ZFAND3: variants seen among roughly 807,000 people sequenced by gnomAD.
The protein encoded by ZFAND3 is zinc finger AN1-type containing 3, also known as AN1-type zinc finger protein 3.
ZFAND3 carries 10 observed loss-of-function variants against 29.6 expected under a neutral mutation model. The observed-to-expected ratio is 0.34, with a 90% CI of 0.21 to 0.57. ZFAND3 has a LOEUF of 0.57. Ranked by LOEUF, ZFAND3 falls within the 20% of genes least tolerant of loss-of-function variation. The pLI is 0.86. For missense variants in ZFAND3, 230 were observed against 304.5 expected (o/e 0.76, Z 1.82); for synonymous variants, 128 against 112.6 (o/e 1.14, Z -0.87).
intron 3 of ZFAND3, among the ~76,000 whole-genome samples, chr6:38,064,980 T>G (rs1028031465): frequency 6.6e-6 from 1 of 152,082 alleles, no homozygotes; most frequent in Non-Finnish European, 1.5e-5. Flanking sequence ...GAGATGATAG[T>G]TTAAGCCATA....
chr6:38,128,324 T>A (rs1765676115), intron 5 of ZFAND3, among the ~76,000 whole-genome samples: 1 of 152,156 alleles, frequency 6.6e-6, no homozygotes, highest in South Asian at 2.1e-4. Context: ...TTCCTGTGAT[T>A]CCCCTCTTTT....
intron 2 of ZFAND3, among the ~76,000 whole-genome samples, chr6:38,054,473 AAG>A (rs1764095814): frequency 1.3e-5 from 2 of 151,948 alleles, no homozygotes; most frequent in South Asian, 2.1e-4. Context: ...GAGATCAGTG[AAG>A]AGAGTCTGAT....
At chr6:37,904,537 T>C (rs1765374872) in intron 1 of ZFAND3, among the ~76,000 whole-genome samples, 1 of 152,182 alleles carries the variant, frequency 6.6e-6, no homozygotes, top group African/African-American at 2.4e-5. Context: ...TTCCAGTTGC[T>C]TTGAAATAGT....
At chr6:37,960,468 ATGT>A (rs766295959) in intron 2 of ZFAND3, among the ~76,000 whole-genome samples, 1 of 152,176 alleles carries the variant, frequency 6.6e-6, no homozygotes, top group Non-Finnish European at 1.5e-5. Flanking sequence ...ACCATCAGTG[ATGT>A]TTGCCTGAGC....
intron 2 of ZFAND3, among the ~76,000 whole-genome samples, chr6:38,009,687 T>A (rs1763112470): frequency 6.6e-6 from 1 of 152,140 alleles, no homozygotes. Flanking sequence ...CCAGATTAGG[T>A]CTCCTCCTTC....
chr6:38,107,760 G>C (rs1473904402), intron 4 of ZFAND3, among the ~76,000 whole-genome samples: 2 of 152,314 alleles, frequency 1.3e-5, no homozygotes, highest in East Asian at 3.9e-4. Flanking sequence ...TTGAGCCCAG[G>C]AGGTTAAGGC....
chr6:38,026,674 G>A (rs545914687), intron 2 of ZFAND3, among the ~76,000 whole-genome samples: 33 of 151,942 alleles, frequency 2.2e-4, no homozygotes, highest in Non-Finnish European at 3.8e-4. Flanking sequence ...CAGGCAGTCC[G>A]CCCACCTTGG....
At chr6:37,935,482 C>T (rs1472749265) in intron 2 of ZFAND3, among the ~76,000 whole-genome samples, 3 of 152,138 alleles carry the variant, frequency 2.0e-5, no homozygotes, top group Admixed American at 2.0e-4. Context: ...TGAAATACTA[C>T]CTCTTAATGC....
chr6:37,996,260 T>G (rs558395968), intron 2 of ZFAND3, among the ~76,000 whole-genome samples: 1 of 152,322 alleles, frequency 6.6e-6, no homozygotes, highest in South Asian at 2.1e-4. Context: ...TGCTGTAAGA[T>G]TATATTGATA....
intron 2 of ZFAND3, among the ~76,000 whole-genome samples, chr6:37,965,922 C>T (rs72850850): frequency 1.1e-4 from 17 of 152,160 alleles, no homozygotes; most frequent in Non-Finnish European, 1.6e-4. Flanking sequence ...GCTACCATGC[C>T]TGGTTAATGT....
rs1207648784 is a variant in ZFAND3, at chr6:37,819,796, C to T, written c.-150C>T. 7.6e-6 allele frequency: 3 copies of T among 395,304 alleles called. No individual in the cohort carries two copies. Among genetic ancestry groups the T allele is most frequent in the Admixed American group, 5.8e-5 (1 of 17,352 alleles). 24.5% of individuals were successfully genotyped at this position (395,304 alleles called of 1,614,324 possible). A position where few individuals can be genotyped will look rare whatever the true frequency, so the allele number is the denominator to read the frequency against. ...ACCGGCCTGGAATCCCGGCTCCGAG[C>T]CCCGGACTCGCGCCCGCCCGCGCGC... On this transcript the variant is annotated 5_prime_UTR_variant, in exon 1 of 6. Transcript: ENST00000287218.
Position 38,142,356 on chromosome 6 carries a change from C to T in ZFAND3, c.530-9879C>T, listed in dbSNP as rs73734308. On this transcript the variant is annotated intron_variant, in intron 5 of 5. Transcript: ENST00000287218. ...TGTGACTTGGATGAACTGACTCTTG[C>T]CTGCAAAGGTGCCTTCAGGGAGGCT... 1,016 of 471,296 alleles carry T rather than the reference C, an allele frequency of 2.2e-3. 9 individuals are homozygous for T. The highest frequency in any genetic ancestry group is 0.017 in the African/African-American group (869 of 50,190). The allele number at this position is 471,296 out of a possible 1,614,324, so 29.2% of individuals were successfully genotyped here. A position where few individuals can be genotyped will look rare whatever the true frequency, so the allele number is the denominator to read the frequency against.
At chr6:37,877,960 G>A (rs754146003) in intron 1 of ZFAND3, among the ~76,000 whole-genome samples, 24 of 152,196 alleles carry the variant, frequency 1.6e-4, no homozygotes, top group Non-Finnish European at 2.8e-4. Flanking sequence ...TGCTTTCGTG[G>A]AGAACAGATT....
intron 5 of ZFAND3, among the ~76,000 whole-genome samples, chr6:38,144,674 G>T (rs955896424): frequency 6.6e-6 from 1 of 152,208 alleles, no homozygotes; most frequent in Non-Finnish European, 1.5e-5. Flanking sequence ...ATTTAAATGA[G>T]CAAGAAGTGT....
rs570053347 is a variant in ZFAND3, at chr6:37,967,106, C to T, written c.112+37107C>T. Among the ~76,000 whole-genome samples, 7 of 152,262 alleles carry T rather than the reference C, an allele frequency of 4.6e-5. No individual in the cohort carries two copies. The East Asian group carries it at 1.2e-3, about 25-fold the overall frequency. ...GGGTGATATCTGCTGGGCTTTAGTACTGTAAAGTTACTCTTCTTGTTTTTG... is the reference window on the plus strand; with the variant it reads ...GGGTGATATCTGCTGGGCTTTAGTATTGTAAAGTTACTCTTCTTGTTTTTG... On this transcript the variant is annotated intron_variant, in intron 2 of 5. Transcript: ENST00000287218.
intron 2 of ZFAND3, among the ~76,000 whole-genome samples, chr6:38,030,286 C>G (rs1347008631): frequency 1.3e-5 from 2 of 151,492 alleles, no homozygotes; most frequent in Non-Finnish European, 2.9e-5. Context: ...CTTGGCTTCC[C>G]AAAGTGTTGG....
At chr6:37,993,836 CATTATACAACACAGTAGT>C (rs1762803501) in intron 2 of ZFAND3, among the ~76,000 whole-genome samples, 1 of 152,154 alleles carries the variant, frequency 6.6e-6, no homozygotes, top group Non-Finnish European at 1.5e-5. Context: ...AATGTACTTA[CATTATACAACACAGTAGT>C]ATTTTTGTTT....
At chr6:37,939,645 C>T (rs1761777463) in intron 2 of ZFAND3, among the ~76,000 whole-genome samples, 1 of 152,028 alleles carries the variant, frequency 6.6e-6, no homozygotes, top group Non-Finnish European at 1.5e-5. Flanking sequence ...GATGGTACAC[C>T]TTTATCAAAG....
chr6:38,002,150 A>G (rs1005800984), intron 2 of ZFAND3, among the ~76,000 whole-genome samples: 4 of 152,188 alleles, frequency 2.6e-5, no homozygotes, highest in Non-Finnish European at 5.9e-5. Context: ...ATGCGTACTA[A>G]GCCTATAGAA....
Sources: gnomAD v4.1 joint callset for allele counts (sites outside exome capture counted in the v4.1 genomes callset) on GRCh38, gnomAD v4.1.1 for gene constraint, MANE v1.5 for transcripts, NCBI Gene and HGNC (gene_info 2026-07-23, HGNC 2026-07-21) for gene names.